Variants in CHRNB3 observed in about 807,000 individuals in gnomAD.
CHRNB3 encodes neuronal acetylcholine receptor subunit beta-3.
CHRNB3 carries 37 observed loss-of-function variants against 40.6 expected under a neutral mutation model. The ratio of observed to expected loss-of-function variants is 0.91; its 90% CI spans 0.70 to 1.20. CHRNB3 has a LOEUF of 1.20. Among genes scored for constraint, CHRNB3 ranks in the 50% most tolerant of loss-of-function variants. CHRNB3 has a pLI of 0.00. For missense variants in CHRNB3, 505 were observed against 551.2 expected, an observed-to-expected ratio of 0.92 and a Z score of 0.84; for synonymous variants, 207 against 207.1, an observed-to-expected ratio of 1.00 and a Z score of 0.00.
At chr8:42,728,481 A>T (rs972555118) in intron 3 of CHRNB3, among the ~76,000 whole-genome samples, 8 of 152,114 alleles carry the variant, frequency 5.3e-5, no homozygotes, top group African/African-American at 9.7e-5. Context: ...GTGAATCATG[A>T]TGTCACCATA....
intron 3 of CHRNB3, among the ~76,000 whole-genome samples, chr8:42,714,536 A>C (rs1469767272): frequency 2.0e-5 from 3 of 151,982 alleles, no homozygotes; most frequent in African/African-American, 4.8e-5. Flanking sequence ...ATATGGATTA[A>C]AGAAAGCTGA....
Position 42,730,687 on chromosome 8 carries a change from A to C in CHRNB3, c.343A>C (p.Ile115Leu). 2 of 1,595,876 alleles carry C rather than the reference A, an allele frequency of 1.3e-6. No homozygotes were observed. The highest frequency in any genetic ancestry group is 1.7e-6 in the Non-Finnish European group (2 of 1,166,740). Reference sequence around the variant, plus strand: ...ATCAGAATCTCTGTGGCTTCCTGACATAGTTCTCTTTGAAAAGTAAGTATC... The same window carrying C: ...ATCAGAATCTCTGTGGCTTCCTGACCTAGTTCTCTTTGAAAAGTAAGTATC... Reference protein sequence around the residue: ...VPSESLWLPDIVLFENADGRF... With the variant: ...VPSESLWLPDLVLFENADGRF... Residue 115 changes from isoleucine to leucine, a missense_variant, in exon 4 of 6, where the codon ATA becomes CTA. By Grantham distance (5) the Ile-to-Leu change is conservative. Coordinates refer to ENST00000289957, the MANE Select transcript of CHRNB3 (RefSeq NM_000749.5).
chr8:42,725,849 G>A (rs550931755), intron 3 of CHRNB3: 4 of 810,182 alleles, frequency 4.9e-6, no homozygotes, highest in African/African-American at 3.3e-5. Context: ...AGCATTTTTA[G>A]GTTCTGGGGG....
At chr8:42,727,331 C>G (rs1816327985) in intron 3 of CHRNB3, among the ~76,000 whole-genome samples, 1 of 150,006 alleles carries the variant, frequency 6.7e-6, no homozygotes, top group South Asian at 2.1e-4. Context: ...CGAGATCCCA[C>G]CACTGCACTC....
At chr8:42,730,447 TC>T in intron 3 of CHRNB3, 146 bp from the exon 4 acceptor site, 2 of 503,190 alleles carry the variant, frequency 4.0e-6, no homozygotes, top group Non-Finnish European at 7.0e-6. Context: ...CTGTACTGAG[TC>T]CCCAGTAGGG....
intron 3 of CHRNB3, among the ~76,000 whole-genome samples, chr8:42,717,015 A>G (rs1175847392): frequency 2.0e-5 from 3 of 152,120 alleles, no homozygotes; most frequent in Non-Finnish European, 2.9e-5. Flanking sequence ...TTAGATCAAC[A>G]AAAAGTTCAG....
intron 3 of CHRNB3, among the ~76,000 whole-genome samples, chr8:42,722,502 A>G (rs1816236158): frequency 6.6e-6 from 1 of 152,036 alleles, no homozygotes; most frequent in African/African-American, 2.4e-5. Context: ...ATTGTTCATC[A>G]CGGCACTTGG....
chr8:42,729,635 T>C (rs1057139073), intron 3 of CHRNB3, among the ~76,000 whole-genome samples: 1 of 152,104 alleles, frequency 6.6e-6, no homozygotes, highest in African/African-American at 2.4e-5. Flanking sequence ...TGCTGACTCC[T>C]GATGTTTTAA....
intron 1 of CHRNB3, chr8:42,704,540 A>T (rs1815886840): frequency 6.6e-6 from 1 of 152,222 alleles, no homozygotes; most frequent in South Asian, 2.1e-4. Context: ...CCCAACGTGC[A>T]ACTCCACCTC....
intron 3 of CHRNB3, 88 bp downstream of exon 3, chr8:42,710,522 G>A: frequency 1.9e-6 from 2 of 1,045,376 alleles, no homozygotes; most frequent in Non-Finnish European, 2.9e-6. Flanking sequence ...AATTATTTAA[G>A]AGGGCATATT....
chr8:42,707,567 A>G (rs1307113485), intron 1 of CHRNB3, among the ~76,000 whole-genome samples: 1 of 152,160 alleles, frequency 6.6e-6, no homozygotes, highest in Non-Finnish European at 1.5e-5. Context: ...TTTTAAAAGT[A>G]GGGGCTTCCT....
chr8:42,732,450 T>C lies in CHRNB3; in HGVS notation c.1143T>C (p.Leu381=). ...KVLEKKKQKQ[L]SDGEKVLVAF... ...TCGAAAAAAAGAAACAGAAACAGCT[T>C]AGTGATGGAGAAAAAGTTCTAGTTG... The change falls in exon 5 of 6, where the codon CTT becomes CTC. Residue 381 remains leucine, a synonymous_variant. Transcript: ENST00000289957. The C allele has an allele frequency of 6.2e-7, 1 of 1,613,890 alleles. No individual in the cohort carries two copies.
chr8:42,701,373 G>A (rs969964228), intron 1 of CHRNB3, among the ~76,000 whole-genome samples: 8 of 151,688 alleles, frequency 5.3e-5, no homozygotes, highest in Non-Finnish European at 8.8e-5. Context: ...AGAGACATAC[G>A]TCTCTACAAA....
intron 3 of CHRNB3, among the ~76,000 whole-genome samples, chr8:42,723,019 TA>T (rs1309136821): frequency 6.6e-6 from 1 of 151,930 alleles, no homozygotes; most frequent in Non-Finnish European, 1.5e-5. Context: ...TTTACTAAAA[TA>T]TCGTAATAAG....
chr8:42,701,273 G>A (rs996988315), intron 1 of CHRNB3, among the ~76,000 whole-genome samples: 1 of 148,164 alleles, frequency 6.7e-6, no homozygotes, highest in Non-Finnish European at 1.5e-5. Flanking sequence ...ATGCTGCAAT[G>A]GTTCACGTCT....
rs71221230 is a variant in CHRNB3, at chr8:42,717,403, A to AAAAAAAAAAAAAAAAAAAAAAAG, written c.249+6971_249+6972insAAAAAAAAAAAAAAAAAAAAGAA. ...AAAAAAAAAAAAAAAAAAAAAAAAA[A>AAAAAAAAAAAAAAAAAAAAAAAG]AAGCCGACCTGTTGTGGAAAGGTCA... On this transcript the variant is annotated intron_variant, in intron 3 of 5. Coordinates refer to ENST00000289957, the MANE Select transcript of CHRNB3 (RefSeq NM_000749.5). Among the ~76,000 whole-genome samples the AAAAAAAAAAAAAAAAAAAAAAAG allele has an allele frequency of 1.9e-3, 95 of 50,906 alleles. 41 individuals carry two copies. Among genetic ancestry groups the AAAAAAAAAAAAAAAAAAAAAAAG allele is most frequent in the Non-Finnish European group, 2.4e-3 (64 of 26,716 alleles). The allele number at this position is 50,906 out of a possible 152,430, so 33.4% of individuals were successfully genotyped here.
chr8:42,735,498 A>G (rs893849211), intron 5 of CHRNB3, among the ~76,000 whole-genome samples: 1 of 152,222 alleles, frequency 6.6e-6, no homozygotes, highest in Non-Finnish European at 1.5e-5. Context: ...AGATTGCACC[A>G]CTGCAGCCTG....
intron 3 of CHRNB3, among the ~76,000 whole-genome samples, chr8:42,723,497 C>T (rs1477394265): frequency 6.6e-6 from 1 of 152,168 alleles, no homozygotes; most frequent in Non-Finnish European, 1.5e-5. Context: ...TTTTAAGCTA[C>T]AGGTTTTCCC....
intron 1 of CHRNB3, among the ~76,000 whole-genome samples, chr8:42,701,795 T>C (rs1815808505): frequency 1.3e-5 from 2 of 152,156 alleles, no homozygotes; most frequent in Admixed American, 6.6e-5. Flanking sequence ...CATATGCACA[T>C]CTTAAACTCT....
Sources: gnomAD v4.1 joint callset for allele counts (sites outside exome capture counted in the v4.1 genomes callset) on GRCh38, gnomAD v4.1.1 for gene constraint, MANE v1.5 for transcripts, NCBI Gene and HGNC (gene_info 2026-07-23, HGNC 2026-07-21) for gene names.